The following FRAT2 variants were observed in gnomAD, a reference collection of about 807,000 sequenced individuals.
FRAT2 encodes FRAT regulator of Wnt signaling pathway 2.
For synonymous variants in FRAT2, 205 were observed against 171.5 expected (o/e 1.20, Z -1.53); for missense variants, 326 against 340.8 (o/e 0.96, Z 0.34).
chr10:97,333,852 C>G lies in FRAT2; in HGVS notation c.*19G>C. ...GGGTCTACGCAGCGGCCTCCACTTC[C>G]TCCTCCAGGAGGCCTGCGTCAGAGC... On this transcript the variant is annotated 3_prime_UTR_variant, in exon 1 of 1. Coordinates refer to ENST00000371019, the MANE Select transcript of FRAT2 (RefSeq NM_012083.3). The G allele has an allele frequency of 1.4e-6, 2 of 1,475,944 alleles. No homozygotes were observed. The highest frequency in any genetic ancestry group is 2.6e-5 in the South Asian group (2 of 75,934). The allele number at this position is 1,475,944 out of a possible 1,614,324, so 91.4% of individuals were successfully genotyped here.
rs1843540628 is a variant in FRAT2 at position 97,333,060 on chromosome 10, C to T, written c.*811G>A. 6.6e-6 allele frequency: 1 copy of T among 152,232 alleles called. No homozygotes were observed. The highest frequency in any genetic ancestry group is 2.4e-5 in the African/African-American group (1 of 41,448). 9.4% of individuals were successfully genotyped at this position (152,232 alleles called of 1,614,324 possible). On this transcript the variant is annotated 3_prime_UTR_variant, in exon 1 of 1. Coordinates refer to ENST00000371019, the MANE Select transcript of FRAT2 (RefSeq NM_012083.3). The stretch of plus-strand genomic sequence containing the variant: ...AGGAAAGAACTCTCCCTACACGTCC[C>T]TCTCTGCCTGTTTGTGTCCTCGGGA...
Position 97,334,462 on chromosome 10 carries a change from C to T in FRAT2, c.111G>A (p.Ser37=), listed in dbSNP as rs369870649. 2.7e-4 allele frequency: 396 copies of T among 1,489,652 alleles called. 4 individuals carry two copies. In the East Asian group the frequency reaches 8.4e-3, roughly 31 times the overall value. The allele number at this position is 1,489,652 out of a possible 1,614,324, so 92.3% of individuals were successfully genotyped here. ...LLQQSVTLGS[S]GEVDRLVAQI... is the part of the protein sequence containing the mutation. ...GGGCCACCAGCCGGTCCACCTCGCC[C>T]GAGCTGCCCAGCGTCACCGACTGCT... The change falls in exon 1 of 1, where the codon TCG becomes TCA. Residue 37 remains serine (S), a synonymous_variant. Transcript: ENST00000371019.
At position 97,332,950 on chromosome 10, in the gene FRAT2, T is replaced by C. The variant is rs1231969705; in HGVS notation, c.*921A>G. 6.6e-6 allele frequency: 1 copy of C among 152,162 alleles called. No homozygotes were observed. The highest frequency in any genetic ancestry group is 1.5e-5 in the Non-Finnish European group (1 of 68,050). 9.4% of individuals were successfully genotyped at this position (152,162 alleles called of 1,614,324 possible). ...GAGGACAAGAAAGAGACTCAAGAGA[T>C]CGTTTATGACTGTTTCTGAGAAAGC... On this transcript the variant is annotated 3_prime_UTR_variant, in exon 1 of 1. Coordinates refer to ENST00000371019, the MANE Select transcript of FRAT2 (RefSeq NM_012083.3).
rs1162883915 is a variant in FRAT2, at chr10:97,334,671, C to T, written c.-99G>A. On this transcript the variant is annotated 5_prime_UTR_variant, in exon 1 of 1. Coordinates refer to ENST00000371019, the MANE Select transcript of FRAT2 (RefSeq NM_012083.3). ...GGCGAAGCCGGAGCAGGGGCGGACG[C>T]GGAAGCCGGAGCCCGCCAGGCACTC... 1.0e-5 allele frequency: 13 copies of T among 1,267,656 alleles called. No individual in the cohort carries two copies. In the African/African-American group the frequency reaches 1.7e-4, roughly 17 times the overall value. 78.5% of individuals were successfully genotyped at this position (1,267,656 alleles called of 1,614,324 possible).
At position 97,334,315 on chromosome 10, in the gene FRAT2, G is replaced by A. The variant is rs1268463495; in HGVS notation, c.258C>T (p.Ala86=). The A allele has an allele frequency of 4.7e-5, 54 of 1,140,490 alleles. No individual in the cohort carries two copies. The South Asian group carries it at 2.0e-3, about 43-fold the overall frequency. 70.6% of individuals were successfully genotyped at this position (1,140,490 alleles called of 1,614,324 possible). A position where few individuals can be genotyped will look rare whatever the true frequency, so the allele number is the denominator to read the frequency against. Residue 86 remains alanine (A), a synonymous_variant, in exon 1 of 1, where the codon GCC becomes GCT. Coordinates refer to ENST00000371019, the MANE Select transcript of FRAT2 (RefSeq NM_012083.3). ...GCAGCAGCGGCACCGCCGGGGGCCG[G>A]GCCTTGTCCGCCGGCACCGCCGCAG... The part of the protein sequence containing the change: ...PLAAAVPADK[A]RPPAVPLLLP...
At position 97,334,369 on chromosome 10, in the gene FRAT2, C is replaced by G. The variant is rs1432548964; in HGVS notation, c.204G>C (p.Gly68=). 9.7e-6 allele frequency: 12 copies of G among 1,235,796 alleles called. No individual in the cohort carries two copies. The highest frequency in any genetic ancestry group is 1.6e-5 in the African/African-American group (1 of 64,022). The allele number at this position is 1,235,796 out of a possible 1,614,324, so 76.6% of individuals were successfully genotyped here. A position where few individuals can be genotyped will look rare whatever the true frequency, so the allele number is the denominator to read the frequency against. The change falls in exon 1 of 1, where the codon GGG becomes GGC. Residue 68 remains glycine (G), a synonymous_variant. Coordinates refer to ENST00000371019, the MANE Select transcript of FRAT2 (RefSeq NM_012083.3). ...GGGGCCCCGGGGCCCGCAGCGGCAC[C>G]CCCGGGGGCGCGCACGGCGAGGCCG... ...DSPASPCAPP[G]VPLRAPGPLA... is the part of the protein sequence containing the mutation.
In FRAT2 at chr10:97,334,582, T is replaced by A. The variant is rs936516974; in HGVS notation, c.-10A>T. ...CCCTCCGGCACGGCATGGCCCCCCGTCCTGGCACCCGGAGCTGTGCGGGCT... is the reference window on the plus strand; with the variant it reads ...CCCTCCGGCACGGCATGGCCCCCCGACCTGGCACCCGGAGCTGTGCGGGCT... On this transcript the variant is annotated 5_prime_UTR_variant, in exon 1 of 1. Transcript: ENST00000371019. The A allele has an allele frequency of 9.1e-6, 13 of 1,432,014 alleles. No individual in the cohort carries two copies. Among genetic ancestry groups the A allele is most frequent in the Middle Eastern group, 1.8e-4 (1 of 5,544 alleles). The allele number at this position is 1,432,014 out of a possible 1,614,324, so 88.7% of individuals were successfully genotyped here.
At position 97,334,494 on chromosome 10, in the gene FRAT2, G is replaced by C; in HGVS notation, c.79C>G (p.Leu27Val). ...CCCAGCGTCACCGACTGCTGCAGCA[G>C]GAGGAAGCTGTCGTCCTCCTCTTCC... ...GEEEEDDSFL[L>V]LQQSVTLGSS... The change falls in exon 1 of 1, where the codon CTG (leucine) becomes GTG (valine). Residue 27 changes from leucine (L) to valine (V), a missense_variant. Leu to Val is a conservative substitution (Grantham distance 32, BLOSUM62 1). Transcript: ENST00000371019. The C allele has an allele frequency of 6.7e-7, 1 of 1,494,066 alleles. No individual in the cohort carries two copies. Among genetic ancestry groups the C allele is most frequent in the Non-Finnish European group, 8.9e-7 (1 of 1,126,810 alleles). The allele number at this position is 1,494,066 out of a possible 1,614,324, so 92.6% of individuals were successfully genotyped here.
In FRAT2 at chr10:97,332,916, C is replaced by T. The variant is rs1843539361; in HGVS notation, c.*955G>A. On this transcript the variant is annotated 3_prime_UTR_variant, in exon 1 of 1. Coordinates refer to ENST00000371019, the MANE Select transcript of FRAT2 (RefSeq NM_012083.3). ...CACCAGAAAGGGTGGAATAAGAAAGCTCAGCTGGGAGGACAAGAAAGAGAC... is the reference window on the plus strand; with the variant it reads ...CACCAGAAAGGGTGGAATAAGAAAGTTCAGCTGGGAGGACAAGAAAGAGAC... 6.6e-6 allele frequency: 1 copy of T among 152,262 alleles called. No homozygotes were observed. 9.4% of individuals were successfully genotyped at this position (152,262 alleles called of 1,614,324 possible). A position where few individuals can be genotyped will look rare whatever the true frequency, so the allele number is the denominator to read the frequency against.
In FRAT2 at chr10:97,334,675, A is replaced by T; in HGVS notation, c.-103T>A. Reference sequence around the variant, plus strand: ...AAGCCGGAGCAGGGGCGGACGCGGAAGCCGGAGCCCGCCAGGCACTCGAGC... The same window carrying T: ...AAGCCGGAGCAGGGGCGGACGCGGATGCCGGAGCCCGCCAGGCACTCGAGC... On this transcript the variant is annotated 5_prime_UTR_variant, in exon 1 of 1. Coordinates refer to ENST00000371019, the MANE Select transcript of FRAT2 (RefSeq NM_012083.3). 7.9e-7 allele frequency: 1 copy of T among 1,258,268 alleles called. No individual in the cohort carries two copies. Among genetic ancestry groups the T allele is most frequent in the South Asian group, 2.3e-5 (1 of 42,572 alleles). The allele number at this position is 1,258,268 out of a possible 1,614,324, so 77.9% of individuals were successfully genotyped here.
rs1222731316 is a variant in FRAT2 at position 97,334,250 on chromosome 10, G to A, written c.323C>T (p.Ser108Phe). 1.7e-6 allele frequency: 2 copies of A among 1,193,824 alleles called. No individual in the cohort carries two copies. The highest frequency in any genetic ancestry group is 7.2e-5 in the East Asian group (2 of 27,758). The allele number at this position is 1,193,824 out of a possible 1,614,324, so 74.0% of individuals were successfully genotyped here. The change falls in exon 1 of 1, where the codon TCT (serine) becomes TTT (phenylalanine). Residue 108 changes from serine (S) to phenylalanine (F), a missense_variant. Ser to Phe is a radical substitution (Grantham distance 155). Transcript: ENST00000371019. ...ASAETVGPAP[S>F]GALRCALGDR... Reference sequence around the variant, plus strand: ...CCCTAGGGCGCAGCGCAGGGCCCCAGAGGGCGCCGGGCCCACCGTCTCAGC... The same window carrying A: ...CCCTAGGGCGCAGCGCAGGGCCCCAAAGGGCGCCGGGCCCACCGTCTCAGC...
rs536925716 is a variant in FRAT2, at chr10:97,333,936, C to G, written c.637G>C (p.Gly213Arg). The G allele has an allele frequency of 6.3e-7, 1 of 1,575,458 alleles. No individual in the cohort carries two copies. Among genetic ancestry groups the G allele is most frequent in the African/African-American group, 1.3e-5 (1 of 74,646 alleles). The change falls in exon 1 of 1, where the codon GGG becomes CGG. Residue 213 changes from glycine (G) to arginine (R), a missense_variant. Transcript: ENST00000371019. ...GGTCCGCTGCGGCCTCCCCCGGGCC[C>G]AGGGGCGCTTGCGGGGCCCGTGGCT... ...VAATGPASAPGPGGGRSGPDR... is the reference protein window; with the variant it reads ...VAATGPASAPRPGGGRSGPDR...
In FRAT2 at chr10:97,334,245, C is replaced by A; in HGVS notation, c.328G>T (p.Ala110Ser). ...AETVGPAPSGALRCALGDRGR... is the reference protein window; with the variant it reads ...AETVGPAPSGSLRCALGDRGR... ...CGGTCCCCTAGGGCGCAGCGCAGGG[C>A]CCCAGAGGGCGCCGGGCCCACCGTC... Residue 110 changes from alanine to serine, a missense_variant, in exon 1 of 1, where the codon GCC becomes TCC. Transcript: ENST00000371019. 2 of 1,198,354 alleles carry A rather than the reference C, an allele frequency of 1.7e-6. No individual in the cohort carries two copies. The highest frequency in any genetic ancestry group is 2.1e-6 in the Non-Finnish European group (2 of 967,710). 74.2% of individuals were successfully genotyped at this position (1,198,354 alleles called of 1,614,324 possible).
chr10:97,334,248 C>T lies in FRAT2; in HGVS notation c.325G>A (p.Gly109Arg). 5 of 1,195,666 alleles carry T rather than the reference C, an allele frequency of 4.2e-6. No individual in the cohort carries two copies. Among genetic ancestry groups the T allele is most frequent in the Non-Finnish European group, 5.2e-6 (5 of 965,910 alleles). The allele number at this position is 1,195,666 out of a possible 1,614,324, so 74.1% of individuals were successfully genotyped here. A position where few individuals can be genotyped will look rare whatever the true frequency, so the allele number is the denominator to read the frequency against. ...SAETVGPAPSGALRCALGDRG... is the reference protein window; with the variant it reads ...SAETVGPAPSRALRCALGDRG... Reference sequence around the variant, plus strand: ...TCCCCTAGGGCGCAGCGCAGGGCCCCAGAGGGCGCCGGGCCCACCGTCTCA... The same window carrying T: ...TCCCCTAGGGCGCAGCGCAGGGCCCTAGAGGGCGCCGGGCCCACCGTCTCA... The change falls in exon 1 of 1, where the codon GGG (glycine) becomes AGG (arginine). Residue 109 changes from glycine to arginine, a missense_variant. Transcript: ENST00000371019.
rs951867099 is a variant in FRAT2 at position 97,333,556 on chromosome 10, A to G, written c.*315T>C. 9.0e-6 allele frequency: 3 copies of G among 333,374 alleles called. No individual in the cohort carries two copies. The highest frequency in any genetic ancestry group is 1.6e-5 in the Non-Finnish European group (3 of 183,594). 20.7% of individuals were successfully genotyped at this position (333,374 alleles called of 1,614,324 possible). ...AAGCTCACGACGCCCCCAAGGGCTA[A>G]GTGAGGTACAAGTCGATGCAAGTAG... On this transcript the variant is annotated 3_prime_UTR_variant, in exon 1 of 1. Coordinates refer to ENST00000371019, the MANE Select transcript of FRAT2 (RefSeq NM_012083.3).
At position 97,334,500 on chromosome 10, in the gene FRAT2, A is replaced by C. The variant is rs1228026430; in HGVS notation, c.73T>G (p.Phe25Val). The change falls in exon 1 of 1, where the codon TTC becomes GTC. Residue 25 changes from phenylalanine (F) to valine (V), a missense_variant. Phe to Val is a conservative substitution (Grantham distance 50). Transcript: ENST00000371019. Reference protein sequence around the residue: ...AEGEEEEDDSFLLLQQSVTLG... With the variant: ...AEGEEEEDDSVLLLQQSVTLG... ...GTCACCGACTGCTGCAGCAGGAGGA[A>C]GCTGTCGTCCTCCTCTTCCTCCCCC... 1 of 1,494,002 alleles carries C rather than the reference A, an allele frequency of 6.7e-7. No homozygotes were observed. The highest frequency in any genetic ancestry group is 1.4e-5 in the African/African-American group (1 of 69,046). 92.5% of individuals were successfully genotyped at this position (1,494,002 alleles called of 1,614,324 possible).
In FRAT2 at chr10:97,333,861, G is replaced by C. The variant is rs550927972; in HGVS notation, c.*10C>G. The C allele has an allele frequency of 2.4e-5, 36 of 1,493,118 alleles. 1 individual carries two copies. The Admixed American group carries it at 4.1e-4, about 17-fold the overall frequency. The allele number at this position is 1,493,118 out of a possible 1,614,324, so 92.5% of individuals were successfully genotyped here. ...CAGCGGCCTCCACTTCCTCCTCCAG[G>C]AGGCCTGCGTCAGAGCAAGGAGCCT... On this transcript the variant is annotated 3_prime_UTR_variant, in exon 1 of 1. Transcript: ENST00000371019.
At position 97,334,568 on chromosome 10, in the gene FRAT2, G is replaced by A. The variant is rs756728975; in HGVS notation, c.5C>T (p.Pro2Leu). The A allele has an allele frequency of 3.7e-5, 54 of 1,451,732 alleles. No individual in the cohort carries two copies. The highest frequency in any genetic ancestry group is 4.9e-5 in the Non-Finnish European group (54 of 1,101,010). The allele number at this position is 1,451,732 out of a possible 1,614,324, so 89.9% of individuals were successfully genotyped here. A position where few individuals can be genotyped will look rare whatever the true frequency, so the allele number is the denominator to read the frequency against. ...TTCCTCTTCCTCCTCCCTCCGGCACGGCATGGCCCCCCGTCCTGGCACCCG... is the reference window on the plus strand; with the variant it reads ...TTCCTCTTCCTCCTCCCTCCGGCACAGCATGGCCCCCCGTCCTGGCACCCG... Reference protein sequence around the residue: MPCRREEEEEAG... With the variant: MLCRREEEEEAG... Residue 2 changes from proline (P) to leucine (L), a missense_variant, in exon 1 of 1, where the codon CCG becomes CTG. Physicochemically the swap from Pro to Leu is moderately conservative, Grantham distance 98. Coordinates refer to ENST00000371019, the MANE Select transcript of FRAT2 (RefSeq NM_012083.3).
rs1003082835 is a variant in FRAT2 at position 97,334,144 on chromosome 10, C to A, written c.429G>T (p.Pro143=). Residue 143 remains proline (P), a synonymous_variant, in exon 1 of 1, where the codon CCG becomes CCT. Transcript: ENST00000371019. ...VAAGPSALPG[P]CRRGWLRDAV... Reference sequence around the variant, plus strand: ...CGTCCCTGAGCCATCCTCGCCGGCACGGCCCCGGCAGCGCGCTGGGGCCTG... The same window carrying A: ...CGTCCCTGAGCCATCCTCGCCGGCAAGGCCCCGGCAGCGCGCTGGGGCCTG... 6.6e-7 allele frequency: 1 copy of A among 1,507,622 alleles called. No homozygotes were observed. The highest frequency in any genetic ancestry group is 8.8e-7 in the Non-Finnish European group (1 of 1,136,968). The allele number at this position is 1,507,622 out of a possible 1,614,324, so 93.4% of individuals were successfully genotyped here.
Sources: gnomAD v4.1 joint callset for allele counts on GRCh38, gnomAD v4.1.1 for gene constraint, MANE v1.5 for transcripts, NCBI Gene and HGNC (gene_info 2026-07-23, HGNC 2026-07-21) for gene names.